Variants in PSPH observed in about 807,000 individuals in gnomAD.
PSPH encodes phosphoserine phosphatase.
A neutral mutation model predicts 23.4 loss-of-function variants in PSPH; 16 were observed. The observed-to-expected ratio is 0.68, with a 90% CI of 0.46 to 1.04. The LOEUF (loss-of-function observed/expected upper bound fraction) is 1.04. Among genes scored for constraint, PSPH ranks in the 50% least tolerant of loss-of-function variants. PSPH has a pLI of 0.00. For synonymous variants in PSPH, 68 were observed against 99.7 expected (o/e 0.68, Z 1.89); for missense variants, 223 against 273.7 (o/e 0.81, Z 1.31).
At chr7:56,027,858 T>C (rs1190630801) in intron 3 of PSPH, among the ~76,000 whole-genome samples, 2 of 144,726 alleles carry the variant, frequency 1.4e-5, no homozygotes, top group Non-Finnish European at 3.0e-5. Context: ...TTGAGATCAG[T>C]TCTCGAGAAC....
At chr7:56,041,181 T>C (rs1233232616) in intron 1 of PSPH, among the ~76,000 whole-genome samples, 1 of 150,718 alleles carries the variant, frequency 6.6e-6, no homozygotes, top group Non-Finnish European at 1.5e-5. Context: ...TTGATTATCA[T>C]AGCAAGACTC....
At chr7:56,021,425 C>T (rs1190475976) in intron 3 of PSPH, among the ~76,000 whole-genome samples, 194 bp from the exon 4 acceptor site, 2 of 130,828 alleles carry the variant, frequency 1.5e-5, no homozygotes, top group South Asian at 2.5e-4. Context: ...TTCTTTCTTT[C>T]TTTTTTTTTT....
chr7:56,027,386 T>C (rs944685955), intron 3 of PSPH, among the ~76,000 whole-genome samples: 5 of 152,104 alleles, frequency 3.3e-5, no homozygotes, highest in African/African-American at 4.8e-5. Flanking sequence ...AGGTTTCCAG[T>C]CTTGTCGAAA....
chr7:56,041,042 C>T (rs1421238170), intron 1 of PSPH, among the ~76,000 whole-genome samples: 1 of 152,014 alleles, frequency 6.6e-6, no homozygotes, highest in South Asian at 2.1e-4. Context: ...AACAATCAGC[C>T]TTCCAAGTAA....
At chr7:56,035,847 T>TG (rs1791656478) in intron 1 of PSPH, among the ~76,000 whole-genome samples, 1 of 151,908 alleles carries the variant, frequency 6.6e-6, no homozygotes, top group Admixed American at 6.6e-5. Flanking sequence ...CTCAAACTCC[T>TG]GACCTCAAAT....
At chr7:56,045,863 G>C (rs1793157620) in intron 1 of PSPH, among the ~76,000 whole-genome samples, 1 of 149,336 alleles carries the variant, frequency 6.7e-6, no homozygotes. Flanking sequence ...CTCTAGCCTG[G>C]GTGACAGAGC....
intron 7 of PSPH, among the ~76,000 whole-genome samples, chr7:56,012,925 G>A (rs1438663514): frequency 2.9e-5 from 4 of 136,892 alleles, no homozygotes; most frequent in Non-Finnish European, 4.8e-5. Context: ...TTTTTCTTAC[G>A]TTAGAATGAC....
intron 3 of PSPH, among the ~76,000 whole-genome samples, chr7:56,024,996 G>A (rs1789993916): frequency 6.6e-6 from 1 of 151,464 alleles, no homozygotes; most frequent in Non-Finnish European, 1.5e-5. Flanking sequence ...TAGAGATGGG[G>A]TTTCACCATG....
intron 4 of PSPH, 120 bp downstream of exon 4, chr7:56,020,953 A>C: frequency 8.6e-7 from 1 of 1,160,644 alleles, no homozygotes; most frequent in South Asian, 1.3e-5. Flanking sequence ...TTCAGCTCTA[A>C]GGAATGAAAG....
chr7:56,039,399 T>C (rs1318066363), intron 1 of PSPH, among the ~76,000 whole-genome samples: 1 of 152,162 alleles, frequency 6.6e-6, no homozygotes. Context: ...TTAAGTAGGA[T>C]GGTAGGTATA....
chr7:56,040,016 G>A (rs1392526774), intron 1 of PSPH, among the ~76,000 whole-genome samples: 8 of 150,938 alleles, frequency 5.3e-5, no homozygotes, highest in Non-Finnish European at 1.0e-4. Flanking sequence ...GGAGAATGGC[G>A]TGAACCTGGG....
chr7:56,049,450 C>T (rs927958605), intron 1 of PSPH, among the ~76,000 whole-genome samples: 6 of 151,772 alleles, frequency 4.0e-5, no homozygotes, highest in Non-Finnish European at 1.5e-5. Context: ...CATCAGATGT[C>T]GCCTGGGAGA....
intron 1 of PSPH, among the ~76,000 whole-genome samples, chr7:56,038,376 A>T (rs915432563): frequency 2.6e-5 from 4 of 151,540 alleles, no homozygotes; most frequent in African/African-American, 9.7e-5. Flanking sequence ...GGAGAATGGC[A>T]TGAACCCAAG....
At chr7:56,048,786 C>T (rs1214355083) in intron 1 of PSPH, among the ~76,000 whole-genome samples, 2 of 147,102 alleles carry the variant, frequency 1.4e-5, no homozygotes, top group Non-Finnish European at 3.0e-5. Flanking sequence ...CGTGTGCCAC[C>T]ACACCTGGCT....
chr7:56,041,769 CA>C (rs1166929125), intron 1 of PSPH, among the ~76,000 whole-genome samples: 1 of 151,660 alleles, frequency 6.6e-6, no homozygotes, highest in Non-Finnish European at 1.5e-5. Flanking sequence ...AATAAAAATA[CA>C]AAAATTAGCC....
intron 1 of PSPH, among the ~76,000 whole-genome samples, chr7:56,049,220 A>T (rs1328242585): frequency 6.6e-6 from 1 of 151,216 alleles, no homozygotes; most frequent in Non-Finnish European, 1.5e-5. Flanking sequence ...CACTGCGTCC[A>T]GCCCCCATCC....
At chr7:56,021,723 C>T (rs1234884793) in intron 3 of PSPH, among the ~76,000 whole-genome samples, 3 of 146,990 alleles carry the variant, frequency 2.0e-5, no homozygotes, top group Admixed American at 6.8e-5. Flanking sequence ...CTGAGGCGGG[C>T]GGATCACGAG....
chr7:56,014,167 G>C (rs771603973), intron 7 of PSPH, among the ~76,000 whole-genome samples: 3 of 152,038 alleles, frequency 2.0e-5, no homozygotes, highest in Non-Finnish European at 4.4e-5. Flanking sequence ...ACTTCACAGG[G>C]CTGTTATGAA....
At chr7:56,036,002 G>A (rs1791678604) in intron 1 of PSPH, among the ~76,000 whole-genome samples, 1 of 152,036 alleles carries the variant, frequency 6.6e-6, no homozygotes, top group East Asian at 2.0e-4. Flanking sequence ...GCCGAGGTGG[G>A]TGTATCATCT....
Sources: allele counts gnomAD v4.1 joint callset (sites outside exome capture counted in the v4.1 genomes callset), GRCh38; gene constraint gnomAD v4.1.1; transcripts MANE v1.5; gene names NCBI Gene and HGNC (gene_info 2026-07-23, HGNC 2026-07-21).